CFAP97: variants seen among roughly 807,000 people sequenced by gnomAD.
CFAP97 encodes the protein cilia- and flagella-associated protein 97.
CFAP97 carries 36 observed loss-of-function variants against 43.1 expected under a neutral mutation model. That is an observed-to-expected ratio of 0.84 (90% CI 0.64 to 1.10). The LOEUF (loss-of-function observed/expected upper bound fraction) is 1.10, where lower values mean the gene tolerates loss of function less well. CFAP97 is among the 50% of genes least tolerant of loss of function. The pLI is 0.00. For synonymous variants in CFAP97, 228 were observed against 225.7 expected (o/e 1.01, Z -0.09); for missense variants, 657 against 620.3 (o/e 1.06, Z -0.63).
chr4:185,181,943 C>G (rs1042258718), intron 2 of CFAP97, among the ~76,000 whole-genome samples: 1 of 152,166 alleles, frequency 6.6e-6, no homozygotes, highest in Non-Finnish European at 1.5e-5. Context: ...ACTTCAATCC[C>G]TCACACGTTG....
chr4:185,197,327 C>T (rs1043985230), intron 1 of CFAP97, among the ~76,000 whole-genome samples: 4 of 151,934 alleles, frequency 2.6e-5, no homozygotes, highest in African/African-American at 2.4e-5. Flanking sequence ...ATTAATATTA[C>T]ACATATGTAT....
intron 1 of CFAP97, among the ~76,000 whole-genome samples, chr4:185,200,053 A>G (rs1310931643): frequency 6.6e-6 from 1 of 152,244 alleles, no homozygotes; most frequent in Non-Finnish European, 1.5e-5. Context: ...TCTGAGCAAA[A>G]TAAATTGAAA....
intron 2 of CFAP97, among the ~76,000 whole-genome samples, chr4:185,189,091 G>C (rs974974871): frequency 2.0e-5 from 3 of 152,150 alleles, no homozygotes; most frequent in Non-Finnish European, 4.4e-5. Context: ...AAAAATATTA[G>C]CCAGGTGTGG....
intron 2 of CFAP97, among the ~76,000 whole-genome samples, chr4:185,182,696 C>T (rs1735849140): frequency 6.6e-6 from 1 of 152,188 alleles, no homozygotes; most frequent in Admixed American, 6.5e-5. Context: ...TACCTTGGTT[C>T]AACACTGTCT....
At chr4:185,172,662 C>T (rs1167534526) in intron 3 of CFAP97, among the ~76,000 whole-genome samples, 3 of 152,120 alleles carry the variant, frequency 2.0e-5, no homozygotes, top group African/African-American at 7.2e-5. Context: ...AAGTGTGTCT[C>T]TGTGTGCTGA....
intron 1 of CFAP97, among the ~76,000 whole-genome samples, chr4:185,203,371 T>C (rs1736998975): frequency 6.6e-6 from 1 of 152,184 alleles, no homozygotes; most frequent in South Asian, 2.1e-4. Flanking sequence ...TAAACTGTCA[T>C]CTTGTTACTG....
rs566575804 is a variant in CFAP97, at chr4:185,202,270, G to T, written c.-17+1628C>A. ...TGTGGCTGGGCATGGAGGCTCATGT[G>T]CGGTGGCTCATGTTACAGTCTCATG... On this transcript the variant is annotated intron_variant, in intron 1 of 4. Coordinates refer to ENST00000458385, the MANE Select transcript of CFAP97 (RefSeq NM_020827.3). 5.3e-5 allele frequency among the ~76,000 whole-genome samples: 8 copies of T among 152,230 alleles called. No homozygotes were observed. In the East Asian group the frequency reaches 1.6e-3, roughly 30 times the overall value.
intron 1 of CFAP97, among the ~76,000 whole-genome samples, chr4:185,199,320 G>A (rs1327348479): frequency 2.6e-5 from 4 of 151,476 alleles, no homozygotes; most frequent in African/African-American, 4.8e-5. Context: ...GCAGTGAGCC[G>A]CGATCCGGCC....
intron 1 of CFAP97, among the ~76,000 whole-genome samples, chr4:185,192,545 T>C (rs547312944): frequency 6.6e-6 from 1 of 152,080 alleles, no homozygotes; most frequent in Non-Finnish European, 1.5e-5. Flanking sequence ...TGATAAAAAA[T>C]TGATTTAAAA....
intron 4 of CFAP97, among the ~76,000 whole-genome samples, chr4:185,163,414 T>C (rs1734946522): frequency 6.6e-6 from 1 of 152,034 alleles, no homozygotes; most frequent in Non-Finnish European, 1.5e-5. Context: ...CTATTTATTA[T>C]ATGGTTTAGA....
intron 3 of CFAP97, among the ~76,000 whole-genome samples, chr4:185,170,975 CT>C (rs1399323009): frequency 5.5e-5 from 3 of 54,426 alleles, no homozygotes; most frequent in African/African-American, 2.4e-4. Context: ...CAAAGCAAGA[CT>C]TTGTCTCAAA....
chr4:185,201,798 A>G (rs1160982802), intron 1 of CFAP97, among the ~76,000 whole-genome samples: 2 of 152,158 alleles, frequency 1.3e-5, no homozygotes, highest in African/African-American at 4.8e-5. Context: ...TTACCGTCCC[A>G]TAGTTTCAAT....
At chr4:185,203,381 G>A (rs1736999960) in intron 1 of CFAP97, among the ~76,000 whole-genome samples, 2 of 152,166 alleles carry the variant, frequency 1.3e-5, no homozygotes, top group African/African-American at 4.8e-5. Flanking sequence ...TCTTGTTACT[G>A]TGACAATACA....
chr4:185,195,585 G>C (rs1408185426), intron 1 of CFAP97, among the ~76,000 whole-genome samples: 1 of 152,172 alleles, frequency 6.6e-6, no homozygotes, highest in East Asian at 1.9e-4. Flanking sequence ...TACAAGCCAA[G>C]TTATAGAACA....
intron 2 of CFAP97, among the ~76,000 whole-genome samples, chr4:185,183,056 C>A (rs745667156): frequency 1.3e-4 from 19 of 151,594 alleles, no homozygotes; most frequent in Non-Finnish European, 2.2e-4. Context: ...GCTGAGATTG[C>A]GCCACTGCAT....
At position 185,162,587 on chromosome 4, in the gene CFAP97, A is replaced by C. The variant is rs902637912; in HGVS notation, c.*211T>G. Reference sequence around the variant, plus strand: ...CTATTTCTCTATTAAGAACACATACATCTCATATAAATACATCCTCAGGAA... The same window carrying C: ...CTATTTCTCTATTAAGAACACATACCTCTCATATAAATACATCCTCAGGAA... On this transcript the variant is annotated 3_prime_UTR_variant, in exon 5 of 5. Transcript: ENST00000458385. 2 of 551,154 alleles carry C rather than the reference A, an allele frequency of 3.6e-6. No homozygotes were observed. Among genetic ancestry groups the C allele is most frequent in the Non-Finnish European group, 6.4e-6 (2 of 313,166 alleles). 34.1% of individuals were successfully genotyped at this position (551,154 alleles called of 1,614,324 possible). A position where few individuals can be genotyped will look rare whatever the true frequency, so the allele number is the denominator to read the frequency against.
At position 185,209,064 on chromosome 4, in the gene CFAP97, C is replaced by T. The variant is rs557977321; in HGVS notation, c.-74+261G>A. On this transcript the variant is annotated intron_variant, in intron 1 of 2. Transcript: ENST00000503223. This position sits in a 1 kb window ranked among gnomAD's most constrained non-coding sequence, Gnocchi z 5.2. ...GTGATTATGGGCAGCTGCGTGCACCCTGTTGCACCAGGCCGACTTCTTTGG... is the reference window on the plus strand; with the variant it reads ...GTGATTATGGGCAGCTGCGTGCACCTTGTTGCACCAGGCCGACTTCTTTGG... Among the ~76,000 whole-genome samples, 1 of 152,354 alleles carries T rather than the reference C, an allele frequency of 6.6e-6. No individual in the cohort carries two copies. The highest frequency in any genetic ancestry group is 2.1e-4 in the South Asian group (1 of 4,830).
upstream of CFAP97, chr4:185,210,222 G>A: frequency 1.0e-6 from 1 of 984,872 alleles, no homozygotes; most frequent in Non-Finnish European, 1.2e-6. This position sits in a 1 kb window ranked among gnomAD's most constrained non-coding sequence, Gnocchi z 4.4. Flanking sequence ...GGAGCCGGCT[G>A]GCCGCGACCT....
intron 1 of CFAP97, among the ~76,000 whole-genome samples, chr4:185,193,424 A>T (rs1003682521): frequency 1.3e-5 from 2 of 152,150 alleles, no homozygotes; most frequent in Non-Finnish European, 2.9e-5. Flanking sequence ...AGGCGGGTGG[A>T]TCACAAGGTC....
Sources: gnomAD v4.1 joint callset for allele counts (sites outside exome capture counted in the v4.1 genomes callset) on GRCh38, gnomAD v4.1.1 for gene constraint, Gnocchi (gnomAD v3.1) non-coding constraint, MANE v1.5 for transcripts, NCBI Gene and HGNC (gene_info 2026-07-23, HGNC 2026-07-21) for gene names.